NHS: variants seen among roughly 807,000 people sequenced by gnomAD.
NHS encodes actin remodeling regulator NHS.
In NHS, 5 loss-of-function variants were observed where a neutral mutation model predicts 72.5. That is an observed-to-expected ratio of 0.07 (90% CI 0.04 to 0.14). The LOEUF is 0.14. NHS is among the 10% of genes least tolerant of loss of function. The pLI is 1.00. For missense variants in NHS, 1,072 were observed against 1,355.7 expected (o/e 0.79, Z 3.29); for synonymous variants, 464 against 547.7 (o/e 0.85, Z 2.13).
At position 17,502,698 on chromosome X, in the gene NHS, A is replaced by G. The variant is rs2065041362; in HGVS notation, c.565+126376A>G. Among the ~76,000 whole-genome samples the G allele has an allele frequency of 7.5e-5, 2 of 26,691 alleles. 1 individual carries two copies. Among genetic ancestry groups the G allele is most frequent in the Admixed American group, 6.3e-4 (2 of 3,162 alleles). The allele number at this position is 26,691 out of a possible 115,157, so 23.2% of individuals were successfully genotyped here. ...CAGCTACTCGGGAGGCTGAGGCAGG[A>G]GAATGGCGTGAACCCGGGAGGCGGA... On this transcript the variant is annotated intron_variant, in intron 1 of 8. Coordinates refer to ENST00000676302, the MANE Select transcript of NHS (RefSeq NM_001291867.2).
chrX:17,574,244 A>G (rs954399635), intron 1 of NHS, among the ~76,000 whole-genome samples: 4 of 112,341 alleles, frequency 3.6e-5, no homozygotes, highest in African/African-American at 1.3e-4. Context: ...AAGTCTGGAG[A>G]AGCTGTCTGC....
At chrX:17,515,296 T>C (rs932203137) in intron 1 of NHS, among the ~76,000 whole-genome samples, 2 of 112,228 alleles carry the variant, frequency 1.8e-5, no homozygotes, top group Non-Finnish European at 3.8e-5. Context: ...GAGGGGTTAG[T>C]GTGTTTAATA....
chrX:17,534,330 A>G (rs1321284554), intron 1 of NHS, among the ~76,000 whole-genome samples: 1 of 111,658 alleles, frequency 9.0e-6, no homozygotes, highest in Non-Finnish European at 1.9e-5. Context: ...GTGGTTAGCG[A>G]TGCCTGGGAC....
At chrX:17,581,759 G>A (rs2065545137) in intron 1 of NHS, among the ~76,000 whole-genome samples, 2 of 111,438 alleles carry the variant, frequency 1.8e-5, no homozygotes, top group African/African-American at 6.5e-5. Context: ...CCCCTTCGTG[G>A]TGACTTGAAA....
chrX:17,619,302 G>A (rs2065761410), intron 1 of NHS, among the ~76,000 whole-genome samples: 1 of 112,241 alleles, frequency 8.9e-6, no homozygotes, highest in African/African-American at 3.3e-5. Flanking sequence ...TGACTTCATG[G>A]AGCAGAGCAT....
At chrX:17,566,053 A>G (rs2065441840) in intron 1 of NHS, among the ~76,000 whole-genome samples, 1 of 106,094 alleles carries the variant, frequency 9.4e-6, no homozygotes, top group South Asian at 4.2e-4. Flanking sequence ...ATCACGGCTC[A>G]CTGCAGCCTC....
chrX:17,490,717 G>T (rs2064987330), intron 1 of NHS, among the ~76,000 whole-genome samples: 1 of 112,146 alleles, frequency 8.9e-6, no homozygotes, highest in African/African-American at 3.2e-5. Context: ...ACTTTGGGCA[G>T]TATGGCCATT....
At chrX:17,534,269 A>G (rs2065212843) in intron 1 of NHS, among the ~76,000 whole-genome samples, 1 of 112,378 alleles carries the variant, frequency 8.9e-6, no homozygotes, top group Non-Finnish European at 1.9e-5. Context: ...TATTTTGATG[A>G]GAGAACATTA....
Position 17,509,698 on chromosome X carries a change from C to G in NHS, c.565+133376C>G, listed in dbSNP as rs144567123. ...ACTCAGAGAGGTCAAGGAACTTGCT[C>G]AAGGTCACACAGCTTAAAGGTAGAC... On this transcript the variant is annotated intron_variant, in intron 1 of 8. Transcript: ENST00000676302. 8.6e-3 allele frequency among the ~76,000 whole-genome samples: 965 copies of G among 112,352 alleles called. 16 individuals carry two copies. Among genetic ancestry groups the G allele is most frequent in the African/African-American group, 0.03 (912 of 30,887 alleles).
Position 17,536,146 on chromosome X carries a change from G to A in NHS, c.566-151596G>A, listed in dbSNP as rs2065222096. ...CAAGGCAGGCGGATCATGAGGTCAG[G>A]AGATCAAGACCATCCTGGCTAACAC... On this transcript the variant is annotated intron_variant, in intron 1 of 8. Coordinates refer to ENST00000676302, the MANE Select transcript of NHS (RefSeq NM_001291867.2). Among the ~76,000 whole-genome samples, 4 of 111,625 alleles carry A rather than the reference G, an allele frequency of 3.6e-5. No individual in the cohort carries two copies. In the South Asian group the frequency reaches 1.5e-3, roughly 42 times the overall value.
intron 3 of NHS, among the ~76,000 whole-genome samples, chrX:17,703,240 G>A (rs2066276829): frequency 8.9e-6 from 1 of 112,091 alleles, no homozygotes; most frequent in African/African-American, 3.2e-5. Context: ...AAAGGCTGCA[G>A]TGAGCTGAGA....
At chrX:17,386,590 G>A (rs1051729563) in intron 1 of NHS, among the ~76,000 whole-genome samples, 1 of 105,262 alleles carries the variant, frequency 9.5e-6, no homozygotes, top group Non-Finnish European at 1.9e-5. Flanking sequence ...TTGAACCCAG[G>A]AGGCGGAGGT....
intron 1 of NHS, among the ~76,000 whole-genome samples, chrX:17,378,543 C>T (rs1415584669): frequency 9.0e-6 from 1 of 111,476 alleles, no homozygotes; most frequent in African/African-American, 3.3e-5. Flanking sequence ...GTTTAGGTTT[C>T]CTAGAATGCA....
At chrX:17,493,183 T>C (rs1340490293) in intron 1 of NHS, among the ~76,000 whole-genome samples, 1 of 112,489 alleles carries the variant, frequency 8.9e-6, no homozygotes, top group Non-Finnish European at 1.9e-5. Context: ...CTGTATTATT[T>C]TGAAGTCAGT....
At chrX:17,602,834 A>ATTT (rs34067989) in intron 1 of NHS, among the ~76,000 whole-genome samples, 1,577 of 83,224 alleles carry the variant, frequency 0.019, 64 homozygotes, top group African/African-American at 0.072. Flanking sequence ...CACAACTACA[A>ATTT]TTTTTTTTTT....
At chrX:17,686,078 A>G (rs1349808640) in intron 1 of NHS, among the ~76,000 whole-genome samples, 1 of 110,458 alleles carries the variant, frequency 9.1e-6, no homozygotes, top group African/African-American at 3.3e-5. Flanking sequence ...AACTCCTTTC[A>G]CTCCTACAAG....
At chrX:17,658,673 T>C (rs1271369732) in intron 1 of NHS, among the ~76,000 whole-genome samples, 1 of 111,933 alleles carries the variant, frequency 8.9e-6, no homozygotes, top group African/African-American at 3.3e-5. Flanking sequence ...GGATTAATGA[T>C]GATGAAATGT....
At chrX:17,675,060 G>A (rs774369437) in intron 1 of NHS, among the ~76,000 whole-genome samples, 1 of 112,301 alleles carries the variant, frequency 8.9e-6, no homozygotes, top group Non-Finnish European at 1.9e-5. Flanking sequence ...GGGATGGCCA[G>A]GAGCCTTTCA....
At chrX:17,561,577 CA>C (rs2065415680) in intron 1 of NHS, among the ~76,000 whole-genome samples, 1 of 38,681 alleles carries the variant, frequency 2.6e-5, no homozygotes, top group Non-Finnish European at 6.9e-5. Context: ...CGCGCGCGCA[CA>C]CACACACACA....
Sources: gnomAD v4.1 joint callset for allele counts (sites outside exome capture counted in the v4.1 genomes callset) on GRCh38, gnomAD v4.1.1 for gene constraint, MANE v1.5 for transcripts, NCBI Gene and HGNC (gene_info 2026-07-23, HGNC 2026-07-21) for gene names.